Variants in SLC27A2 observed in about 807,000 individuals in gnomAD.
SLC27A2 encodes solute carrier family 27 member 2.
A neutral mutation model predicts 60.0 loss-of-function variants in SLC27A2; 54 were observed. That is an observed-to-expected ratio of 0.90 (90% CI 0.72 to 1.13). SLC27A2 has a LOEUF of 1.13. SLC27A2 is among the 50% of genes most tolerant of loss of function. SLC27A2 has a pLI of 0.00. For missense variants in SLC27A2, 739 were observed against 777.6 expected (o/e 0.95, Z 0.59); for synonymous variants, 297 against 297.6 (o/e 1.00, Z 0.02).
intron 7 of SLC27A2, among the ~76,000 whole-genome samples, 186 bp from the exon 8 acceptor site, chr15:50,228,759 T>C (rs1327832528): frequency 2.6e-5 from 4 of 152,354 alleles, no homozygotes; most frequent in East Asian, 3.9e-4. Flanking sequence ...TCTAGGTCTA[T>C]ACTTTTCCCT....
chr15:50,192,778 C>G lies in SLC27A2; in HGVS notation c.479-4722C>G, dbSNP rs537020475. Among the ~76,000 whole-genome samples the G allele has an allele frequency of 1.2e-3, 83 of 66,508 alleles. No individual in the cohort carries two copies. In the Middle Eastern group the frequency reaches 0.043, roughly 34 times the overall value. The allele number at this position is 66,508 out of a possible 152,430, so 43.6% of individuals were successfully genotyped here. A position where few individuals can be genotyped will look rare whatever the true frequency, so the allele number is the denominator to read the frequency against. Reference sequence around the variant, plus strand: ...ATGTTGCCCAGGCTAGCTGTAAGTACATTTTTCTTAAAAAAAAAAAAAAGA... The same window carrying G: ...ATGTTGCCCAGGCTAGCTGTAAGTAGATTTTTCTTAAAAAAAAAAAAAAGA... On this transcript the variant is annotated intron_variant, in intron 1 of 9. Transcript: ENST00000267842.
chr15:50,187,167 T>C (rs1404228404), intron 1 of SLC27A2, among the ~76,000 whole-genome samples: 1 of 152,240 alleles, frequency 6.6e-6, no homozygotes, highest in Non-Finnish European at 1.5e-5. Context: ...TCATAAACAC[T>C]TCCCTGAATC....
chr15:50,221,395 C>A (rs968179904), intron 4 of SLC27A2, among the ~76,000 whole-genome samples: 1 of 152,100 alleles, frequency 6.6e-6, no homozygotes, highest in Non-Finnish European at 1.5e-5. Context: ...CACCAGTGAC[C>A]AGCATCAGTC....
At chr15:50,224,898 T>G (rs147189504) in intron 5 of SLC27A2, among the ~76,000 whole-genome samples, 22 of 152,316 alleles carry the variant, frequency 1.4e-4, no homozygotes, top group African/African-American at 5.1e-4. Context: ...CCACTGGAAC[T>G]GCTGCTGAGG....
chr15:50,204,054 GA>G (rs767706277), intron 3 of SLC27A2, among the ~76,000 whole-genome samples: 4 of 151,964 alleles, frequency 2.6e-5, no homozygotes, highest in South Asian at 4.1e-4. Flanking sequence ...CCAAAAATTT[GA>G]AATCCAAAAT....
chr15:50,217,178 C>T (rs2045204832), intron 4 of SLC27A2, among the ~76,000 whole-genome samples: 1 of 152,014 alleles, frequency 6.6e-6, no homozygotes, highest in Non-Finnish European at 1.5e-5. Flanking sequence ...GCCCCAAAAT[C>T]TCACAAATCA....
chr15:50,188,338 G>A (rs1434419411), intron 1 of SLC27A2, among the ~76,000 whole-genome samples: 1 of 152,194 alleles, frequency 6.6e-6, no homozygotes, highest in African/African-American at 2.4e-5. Flanking sequence ...AACAATGGCA[G>A]TCTGGACCTA....
At chr15:50,221,312 C>A (rs1021611456) in intron 4 of SLC27A2, among the ~76,000 whole-genome samples, 1 of 151,982 alleles carries the variant, frequency 6.6e-6, no homozygotes, top group Non-Finnish European at 1.5e-5. Flanking sequence ...GAGCCACTGG[C>A]GGTGGGGTGG....
At chr15:50,233,219 C>T (rs1031302508) in intron 8 of SLC27A2, among the ~76,000 whole-genome samples, 6 of 152,124 alleles carry the variant, frequency 3.9e-5, no homozygotes, top group African/African-American at 1.4e-4. Context: ...AAAATGCAGA[C>T]AAGAAAAGCC....
intron 4 of SLC27A2, among the ~76,000 whole-genome samples, chr15:50,221,607 C>T (rs1567436019): frequency 6.6e-6 from 1 of 152,110 alleles, no homozygotes; most frequent in East Asian, 1.9e-4. Context: ...ATTCTTATTC[C>T]AAAACCACTT....
intron 4 of SLC27A2, among the ~76,000 whole-genome samples, chr15:50,216,656 A>ATATATATAT (rs2045199399): frequency 8.6e-6 from 1 of 115,662 alleles, no homozygotes; most frequent in African/African-American, 3.2e-5. Context: ...ATATATATAT[A>ATATATATAT]GTATAGTTTG....
intron 1 of SLC27A2, among the ~76,000 whole-genome samples, chr15:50,195,802 A>G (rs1266090778): frequency 6.6e-6 from 1 of 150,418 alleles, no homozygotes; most frequent in African/African-American, 2.4e-5. Context: ...TCACCTTCCT[A>G]CCCAGCACTT....
chr15:50,199,750 G>A (rs528316347), intron 2 of SLC27A2, among the ~76,000 whole-genome samples: 20 of 152,012 alleles, frequency 1.3e-4, no homozygotes, highest in South Asian at 8.3e-4. Flanking sequence ...GCAACATAGC[G>A]AGACCACATC....
chr15:50,216,610 G>GTGTATATATATATATA (rs1323910367), intron 4 of SLC27A2, among the ~76,000 whole-genome samples: 7 of 66,486 alleles, frequency 1.1e-4, no homozygotes, highest in Admixed American at 3.7e-4. Context: ...GTGTGTGTGT[G>GTGTATATATATATATA]TATATATATA....
chr15:50,205,069 ACAAAAC>A (rs1158246949), intron 3 of SLC27A2, among the ~76,000 whole-genome samples, 164 bp from the exon 4 acceptor site: 5 of 151,966 alleles, frequency 3.3e-5, no homozygotes, highest in African/African-American at 1.2e-4. Context: ...CCCCTATCGA[ACAAAAC>A]CATGTCTTAC....
At chr15:50,208,889 C>T (rs149765221) in intron 4 of SLC27A2, among the ~76,000 whole-genome samples, 7 of 152,328 alleles carry the variant, frequency 4.6e-5, no homozygotes, top group Non-Finnish European at 8.8e-5. Context: ...AGCTCCCATT[C>T]GGTTTTTGTA....
chr15:50,202,728 T>C lies in SLC27A2; in HGVS notation c.847+83T>C, dbSNP rs1447140428. On this transcript the variant is annotated intron_variant, in intron 3 of 9. Transcript: ENST00000267842. ...AACAGTAATACAAAATTTGGCTACGTTGCTGTCTGCTAGGAACAGTTTTCA... is the reference window on the plus strand; with the variant it reads ...AACAGTAATACAAAATTTGGCTACGCTGCTGTCTGCTAGGAACAGTTTTCA... 53 of 1,432,838 alleles carry C rather than the reference T, an allele frequency of 3.7e-5. 3 individuals are homozygous for C. The South Asian group carries it at 5.5e-4, about 15-fold the overall frequency. 88.8% of individuals were successfully genotyped at this position (1,432,838 alleles called of 1,614,324 possible).
intron 4 of SLC27A2, among the ~76,000 whole-genome samples, chr15:50,213,575 C>T (rs2045173403): frequency 6.6e-6 from 1 of 152,092 alleles, no homozygotes; most frequent in African/African-American, 2.4e-5. Flanking sequence ...AAATGAACTT[C>T]AATAAATTTA....
chr15:50,230,376 C>G (rs549338099), intron 8 of SLC27A2, among the ~76,000 whole-genome samples: 2 of 152,116 alleles, frequency 1.3e-5, no homozygotes, highest in South Asian at 4.1e-4. Flanking sequence ...AACTTAGTCT[C>G]TACTAAAAAT....
Sources: allele counts gnomAD v4.1 joint callset (sites outside exome capture counted in the v4.1 genomes callset), GRCh38; gene constraint gnomAD v4.1.1; transcripts MANE v1.5; gene names NCBI Gene and HGNC (gene_info 2026-07-23, HGNC 2026-07-21).